The following INO80C variants were observed in gnomAD, a reference collection of about 807,000 sequenced individuals.
INO80C encodes INO80 complex subunit C.
Under a neutral mutation model 17.7 loss-of-function variants are expected in INO80C, and 17 were observed. The ratio of observed to expected loss-of-function variants is 0.96; its 90% CI spans 0.66 to 1.44. The LOEUF is 1.44. INO80C is among the 40% of genes most tolerant of loss of function. The pLI is 0.00. For missense variants in INO80C, 244 were observed against 245.0 expected, an observed-to-expected ratio of 1.00 and a Z score of 0.03; for synonymous variants, 96 against 95.8, an observed-to-expected ratio of 1.00 and a Z score of -0.01.
At chr18:35,478,989 T>C in intron 3 of INO80C, 1 of 234,438 alleles carries the variant, frequency 4.3e-6, no homozygotes, top group Non-Finnish European at 8.3e-6. Context: ...TGGGCTACCT[T>C]GTTTTTGGAA....
chr18:35,468,391 A>G lies in INO80C; in HGVS notation c.*220T>C, dbSNP rs2045627365. 1 of 1,382,080 alleles carries G rather than the reference A, an allele frequency of 7.2e-7. No individual in the cohort carries two copies. Among genetic ancestry groups the G allele is most frequent in the African/African-American group, 1.5e-5 (1 of 68,836 alleles). The allele number at this position is 1,382,080 out of a possible 1,614,324, so 85.6% of individuals were successfully genotyped here. A position where few individuals can be genotyped will look rare whatever the true frequency, so the allele number is the denominator to read the frequency against. ...GTCAAACACCTTTACTTGAGGCAAC[A>G]ACTGAAGTATAATTTAATTCAGCAG... On this transcript the variant is annotated 3_prime_UTR_variant, in exon 5 of 5. Transcript: ENST00000334598.
Position 35,468,436 on chromosome 18 carries a change from G to C in INO80C, c.*175C>G. 2 of 1,416,840 alleles carry C rather than the reference G, an allele frequency of 1.4e-6. No individual in the cohort carries two copies. Among genetic ancestry groups the C allele is most frequent in the Non-Finnish European group, 1.8e-6 (2 of 1,092,992 alleles). The allele number at this position is 1,416,840 out of a possible 1,614,324, so 87.8% of individuals were successfully genotyped here. ...CAGCAGGAAATATCACACTTGGAGG[G>C]AAAACACACACTAAAAAAAAAAAAA... On this transcript the variant is annotated 3_prime_UTR_variant, in exon 5 of 5. Coordinates refer to ENST00000334598, the MANE Select transcript of INO80C (RefSeq NM_194281.4).
chr18:35,482,636 T>C lies in INO80C; in HGVS notation c.157-2073A>G, dbSNP rs546713405. 3.3e-5 allele frequency among the ~76,000 whole-genome samples: 5 copies of C among 152,240 alleles called. No homozygotes were observed. The South Asian group carries it at 1.0e-3, about 32-fold the overall frequency. On this transcript the variant is annotated intron_variant, in intron 1 of 4. Coordinates refer to ENST00000334598, the MANE Select transcript of INO80C (RefSeq NM_194281.4). ...CTCCACTTCTAAGGTCTTTCTTAGC[T>C]TTTCTTCCCTCCAAGCTCAGTGCAA... is the stretch of plus-strand genomic sequence containing the variant.
intron 4 of INO80C, among the ~76,000 whole-genome samples, chr18:35,475,804 T>C (rs1426937111): frequency 6.6e-6 from 1 of 152,070 alleles, no homozygotes; most frequent in Non-Finnish European, 1.5e-5. Context: ...TGACATCAGA[T>C]TGCAACTTGG....
intron 4 of INO80C, among the ~76,000 whole-genome samples, chr18:35,475,290 C>T (rs1209819249): frequency 2.0e-5 from 3 of 152,170 alleles, no homozygotes. Flanking sequence ...TAACCACTGA[C>T]ATCTTAAAAG....
intron 4 of INO80C, among the ~76,000 whole-genome samples, chr18:35,470,409 T>C (rs2045656652): frequency 6.6e-6 from 1 of 152,228 alleles, no homozygotes; most frequent in South Asian, 2.1e-4. Flanking sequence ...CTACATTTCC[T>C]TTAATGACAG....
intron 1 of INO80C, chr18:35,497,272 T>C: frequency 1.1e-6 from 1 of 946,650 alleles, no homozygotes; most frequent in South Asian, 4.9e-5. Flanking sequence ...AAAAGCACTT[T>C]TCTCAGGATG....
intron 1 of INO80C, among the ~76,000 whole-genome samples, chr18:35,495,984 T>TA (rs2045976761): frequency 6.6e-6 from 1 of 152,176 alleles, no homozygotes; most frequent in Non-Finnish European, 1.5e-5. Context: ...GGCTAAAAGT[T>TA]AAAGACTGAC....
intron 1 of INO80C, among the ~76,000 whole-genome samples, chr18:35,484,863 G>C (rs946008567): frequency 1.3e-5 from 2 of 152,204 alleles, no homozygotes; most frequent in African/African-American, 4.8e-5. Flanking sequence ...TATAAGACTA[G>C]AACATCTTGT....
chr18:35,495,210 C>G (rs540759893), intron 1 of INO80C, among the ~76,000 whole-genome samples: 2 of 152,338 alleles, frequency 1.3e-5, no homozygotes, highest in Admixed American at 6.5e-5. Flanking sequence ...GGGCAGATTG[C>G]TTGACCCCAG....
intron 2 of INO80C, 142 bp from the exon 3 acceptor site, chr18:35,479,553 G>A (rs1011332169): frequency 4.9e-6 from 3 of 612,584 alleles, no homozygotes; most frequent in African/African-American, 1.9e-5. Context: ...TTTTTTAAAA[G>A]GTATTTCACT....
chr18:35,481,094 G>A lies in INO80C; in HGVS notation c.157-531C>T, dbSNP rs146142282. ...GTCCAGCCCCTTTAAGGGTCTAGTTGGCCAGAGAACCCAGACTGGAGCTGG... is the reference window on the plus strand; with the variant it reads ...GTCCAGCCCCTTTAAGGGTCTAGTTAGCCAGAGAACCCAGACTGGAGCTGG... On this transcript the variant is annotated intron_variant, in intron 1 of 4. Transcript: ENST00000334598. Among the ~76,000 whole-genome samples, 57 of 152,286 alleles carry A rather than the reference G, an allele frequency of 3.7e-4. 1 individual carries two copies. In the East Asian group the frequency reaches 0.01, roughly 27 times the overall value.
chr18:35,480,639 C>G, intron 1 of INO80C, 76 bp from the exon 2 acceptor site: 1 of 1,104,418 alleles, frequency 9.1e-7, no homozygotes, highest in Non-Finnish European at 1.4e-6. Context: ...CTCAACAGGG[C>G]ATACGATGAT....
chr18:35,471,947 G>A (rs2045675862), intron 4 of INO80C, among the ~76,000 whole-genome samples: 1 of 152,050 alleles, frequency 6.6e-6, no homozygotes, highest in Non-Finnish European at 1.5e-5. Context: ...ATTTTTTATG[G>A]CTGCATAGTA....
chr18:35,478,469 G>C, intron 3 of INO80C, 120 bp from the exon 4 acceptor site: 3 of 748,416 alleles, frequency 4.0e-6, no homozygotes, highest in Non-Finnish European at 6.4e-6. Flanking sequence ...TGATTAAGTA[G>C]TCACAGAAGT....
rs541755209 is a variant in INO80C at position 35,488,560 on chromosome 18, G to A, written c.157-7997C>T. On this transcript the variant is annotated intron_variant, in intron 1 of 4. Transcript: ENST00000334598. ...AGTTCCCAGGCTGCGCACAGCAGAG[G>A]GGTCCCTGGGTCAGTCACCTGAAAC... Among the ~76,000 whole-genome samples the A allele has an allele frequency of 5.9e-5, 9 of 152,264 alleles. No individual in the cohort carries two copies. The East Asian group carries it at 7.7e-4, about 13-fold the overall frequency.
chr18:35,479,477 A>G (rs1430454824), intron 2 of INO80C, 66 bp from the exon 3 acceptor site: 11 of 929,288 alleles, frequency 1.2e-5, no homozygotes, highest in Non-Finnish European at 1.7e-5. Context: ...GACATCTGAC[A>G]TTTATGCCTA....
intron 1 of INO80C, among the ~76,000 whole-genome samples, chr18:35,486,786 TAAAAAAAAA>T (rs374753662): frequency 3.8e-5 from 3 of 79,682 alleles, no homozygotes; most frequent in Non-Finnish European, 7.4e-5. Context: ...CCCAATTTCT[TAAAAAAAAA>T]AAAAAAAAAA....
intron 4 of INO80C, among the ~76,000 whole-genome samples, chr18:35,477,640 A>T (rs2045752688): frequency 6.6e-6 from 1 of 152,238 alleles, no homozygotes; most frequent in Non-Finnish European, 1.5e-5. Context: ...TTCTGCAAAT[A>T]AGGAAATGGG....
Sources: gnomAD v4.1 joint callset for allele counts (sites outside exome capture counted in the v4.1 genomes callset) on GRCh38, gnomAD v4.1.1 for gene constraint, MANE v1.5 for transcripts, NCBI Gene and HGNC (gene_info 2026-07-23, HGNC 2026-07-21) for gene names.